HEMK2: variants seen among roughly 807,000 people sequenced by gnomAD.
HEMK2 encodes the protein HemK methyltransferase 2, ETF1 glutamine and histone H4 lysine, also known as methyltransferase HEMK2.
chr21:28,724,686 TC>T, the HEMK2 span, among the ~76,000 whole-genome samples: 2 of 152,228 alleles, frequency 1.3e-5, no homozygotes, highest in Non-Finnish European at 2.9e-5. Flanking sequence ...CCAAAAGAAT[TC>T]CCCTAAACAT....
chr21:28,830,832 G>A, the HEMK2 span, among the ~76,000 whole-genome samples: 626 of 146,492 alleles, frequency 4.3e-3, 5 homozygotes, highest in African/African-American at 0.015. Flanking sequence ...AGCCAAGTTC[G>A]TGCCACTGCA....
the HEMK2 span, among the ~76,000 whole-genome samples, chr21:28,668,272 G>T: frequency 6.6e-6 from 1 of 152,166 alleles, no homozygotes; most frequent in Non-Finnish European, 1.5e-5. Context: ...TTCAGCTTTT[G>T]CTGCAATAAT....
chr21:28,752,002 C>T, the HEMK2 span, among the ~76,000 whole-genome samples: 4 of 152,008 alleles, frequency 2.6e-5, no homozygotes, highest in African/African-American at 9.7e-5. Context: ...GTTTTATAGA[C>T]AAGAAATTGG....
the HEMK2 span, among the ~76,000 whole-genome samples, chr21:28,785,710 C>G: frequency 6.6e-6 from 1 of 152,120 alleles, no homozygotes; most frequent in Non-Finnish European, 1.5e-5. Context: ...TCAAATCATC[C>G]TCATAGCCCC....
the HEMK2 span, among the ~76,000 whole-genome samples, chr21:28,633,904 A>G: frequency 6.6e-5 from 10 of 152,160 alleles, no homozygotes; most frequent in Non-Finnish European, 1.2e-4. Context: ...CGGTAACAGG[A>G]ATAACCTACT....
chr21:28,809,985 G>C, the HEMK2 span, among the ~76,000 whole-genome samples: 53 of 152,200 alleles, frequency 3.5e-4, 1 homozygote, highest in South Asian at 0.011. Flanking sequence ...TAATGTCATG[G>C]TCTACAAGGC....
At chr21:28,840,775 T>C in the HEMK2 span, among the ~76,000 whole-genome samples, 1 of 151,624 alleles carries the variant, frequency 6.6e-6, no homozygotes, top group African/African-American at 2.4e-5. Flanking sequence ...ACAGCTGCTA[T>C]GGAAAACAGT....
At chr21:28,780,763 T>A in the HEMK2 span, among the ~76,000 whole-genome samples, 2 of 152,220 alleles carry the variant, frequency 1.3e-5, no homozygotes, top group African/African-American at 4.8e-5. Context: ...CATGGGAGAC[T>A]TAAGAATTCC....
At chr21:28,675,160 C>T in the HEMK2 span, among the ~76,000 whole-genome samples, 1 of 152,164 alleles carries the variant, frequency 6.6e-6, no homozygotes, top group African/African-American at 2.4e-5. Context: ...GCTTATTTGT[C>T]CATGTCTTCC....
At chr21:28,714,683 G>T in the HEMK2 span, among the ~76,000 whole-genome samples, 1 of 152,150 alleles carries the variant, frequency 6.6e-6, no homozygotes, top group African/African-American at 2.4e-5. Context: ...TGGGGTACAT[G>T]TGCAGGTTTG....
chr21:28,687,854 G>A, the HEMK2 span, among the ~76,000 whole-genome samples: 1 of 152,142 alleles, frequency 6.6e-6, no homozygotes, highest in Admixed American at 6.5e-5. Context: ...AGAAAGGAAA[G>A]GCCCAACATT....
At chr21:28,748,264 T>G in the HEMK2 span, among the ~76,000 whole-genome samples, 2 of 152,068 alleles carry the variant, frequency 1.3e-5, no homozygotes, top group Non-Finnish European at 2.9e-5. Context: ...GAATCTACAA[T>G]GAACATTGAA....
At chr21:28,831,507 G>T in the HEMK2 span, among the ~76,000 whole-genome samples, 2 of 82,888 alleles carry the variant, frequency 2.4e-5, no homozygotes, top group African/African-American at 5.6e-5. Context: ...AAGAAAGAAA[G>T]AAAGAAAGAA....
At chr21:28,660,446 T>C in the HEMK2 span, among the ~76,000 whole-genome samples, 1 of 151,568 alleles carries the variant, frequency 6.6e-6, no homozygotes, top group African/African-American at 2.4e-5. Flanking sequence ...TATCAGATTG[T>C]GAATTTTTTC....
the HEMK2 span, among the ~76,000 whole-genome samples, chr21:28,665,762 T>C: frequency 6.6e-6 from 1 of 151,710 alleles, no homozygotes; most frequent in Non-Finnish European, 1.5e-5. Context: ...CTATAAATCA[T>C]GTTGCTATAA....
the HEMK2 span, among the ~76,000 whole-genome samples, chr21:28,726,388 C>G: frequency 0.1 from 15,879 of 151,996 alleles, 1,093 homozygotes; most frequent in East Asian, 0.3. Flanking sequence ...TCTGATTTTT[C>G]TAATTAGTTA....
chr21:28,818,143 A>G, the HEMK2 span, among the ~76,000 whole-genome samples: 1 of 152,176 alleles, frequency 6.6e-6, no homozygotes, highest in Non-Finnish European at 1.5e-5. Context: ...CAATCTAATC[A>G]GCAGCCATGT....
chr21:28,699,378 T>A, the HEMK2 span, among the ~76,000 whole-genome samples: 1 of 152,228 alleles, frequency 6.6e-6, no homozygotes, highest in East Asian at 1.9e-4. Flanking sequence ...TGTAGCTATG[T>A]CCACATTTAG....
At chr21:28,744,834 T>A in the HEMK2 span, among the ~76,000 whole-genome samples, 1 of 152,200 alleles carries the variant, frequency 6.6e-6, no homozygotes, top group African/African-American at 2.4e-5. Flanking sequence ...TTTTAGAAAA[T>A]CTTACTATAG....
Sources: allele counts gnomAD v4.1 joint callset (sites outside exome capture counted in the v4.1 genomes callset), GRCh38; gene constraint gnomAD v4.1.1; transcripts MANE v1.5; gene names NCBI Gene and HGNC (gene_info 2026-07-23, HGNC 2026-07-21).